TYR: variants seen among roughly 807,000 people sequenced by gnomAD.
The protein encoded by TYR is LB24-AB.
A neutral mutation model predicts 51.5 loss-of-function variants in TYR; 58 were observed. That is an observed-to-expected ratio of 1.13 (90% CI 0.91 to 1.40). The LOEUF (loss-of-function observed/expected upper bound fraction) is 1.40, where lower values mean the gene tolerates loss of function less well. Ranked by LOEUF, TYR falls within the 40% of genes most tolerant of loss-of-function variation. The probability of loss-of-function intolerance (pLI) is 0.00; values close to 1 mark genes in which losing one functional copy is unlikely to be tolerated. For synonymous variants in TYR, 263 were observed against 235.2 expected (o/e 1.12, Z -1.08); for missense variants, 732 against 647.4 (o/e 1.13, Z -1.42).
At chr11:89,196,135 A>T (rs1943516098) in intron 2 of TYR, among the ~76,000 whole-genome samples, 1 of 152,196 alleles carries the variant, frequency 6.6e-6, no homozygotes, top group African/African-American at 2.4e-5. Context: ...CATTTTTTCA[A>T]CAAAGGGCAC....
At chr11:89,215,437 T>C (rs1943819388) in intron 2 of TYR, among the ~76,000 whole-genome samples, 1 of 152,016 alleles carries the variant, frequency 6.6e-6, no homozygotes, top group African/African-American at 2.4e-5. Flanking sequence ...AGCTGATGGG[T>C]GCAGCACACC....
At chr11:89,181,101 G>A (rs1170099624) in intron 1 of TYR, among the ~76,000 whole-genome samples, 2 of 151,972 alleles carry the variant, frequency 1.3e-5, no homozygotes, top group African/African-American at 2.4e-5. Context: ...TGCAACTTCC[G>A]CCTCCCAGGT....
At chr11:89,216,107 A>G (rs1364385369) in intron 2 of TYR, among the ~76,000 whole-genome samples, 1 of 152,202 alleles carries the variant, frequency 6.6e-6, no homozygotes, top group Non-Finnish European at 1.5e-5. Context: ...GACTTCACTT[A>G]CCAATAGAAG....
intron 3 of TYR, among the ~76,000 whole-genome samples, chr11:89,257,979 A>AT (rs1272324148): frequency 2.0e-5 from 3 of 152,092 alleles, no homozygotes; most frequent in South Asian, 2.1e-4. Context: ...GAGAATATGG[A>AT]TTTTTTTAAA....
intron 2 of TYR, among the ~76,000 whole-genome samples, chr11:89,215,722 G>A (rs1943823910): frequency 6.6e-6 from 1 of 152,080 alleles, no homozygotes; most frequent in African/African-American, 2.4e-5. Flanking sequence ...GAGTGCACCT[G>A]TCAATCAAAT....
rs376484352 is a variant in TYR at position 89,290,198 on chromosome 11, T to C, written c.1367-4945T>C. Among the ~76,000 whole-genome samples the C allele has an allele frequency of 4.2e-4, 64 of 152,120 alleles. 1 individual carries two copies. The South Asian group carries it at 0.01, about 25-fold the overall frequency. On this transcript the variant is annotated intron_variant, in intron 4 of 4. Coordinates refer to ENST00000263321, the MANE Select transcript of TYR (RefSeq NM_000372.5). ...GAAGGATGATCAAAAAATTACGATA[T>C]TGGGACAGAACAAAAAGGTGCACTA...
chr11:89,292,590 A>T (rs1392295715), intron 4 of TYR, among the ~76,000 whole-genome samples: 1 of 152,090 alleles, frequency 6.6e-6, no homozygotes, highest in Non-Finnish European at 1.5e-5. Context: ...ATGTAAAACG[A>T]TTGACCACTA....
chr11:89,236,672 A>T (rs1944119312), intron 3 of TYR, among the ~76,000 whole-genome samples: 1 of 152,210 alleles, frequency 6.6e-6, no homozygotes, highest in African/African-American at 2.4e-5. Context: ...CCGATCAGAC[A>T]GGTCTATTGA....
At chr11:89,184,006 G>A (rs966701294) in intron 1 of TYR, among the ~76,000 whole-genome samples, 7 of 152,042 alleles carry the variant, frequency 4.6e-5, no homozygotes, top group African/African-American at 1.7e-4. Flanking sequence ...CTTGCCCAAG[G>A]CCATGTAACT....
chr11:89,221,227 A>C (rs1943908635), intron 2 of TYR, among the ~76,000 whole-genome samples: 1 of 152,194 alleles, frequency 6.6e-6, no homozygotes, highest in South Asian at 2.1e-4. Flanking sequence ...TGATGCTGCT[A>C]ACTCTGGGAC....
chr11:89,245,814 T>C (rs866983182), intron 3 of TYR, among the ~76,000 whole-genome samples: 4 of 151,366 alleles, frequency 2.6e-5, no homozygotes, highest in South Asian at 4.2e-4. Context: ...CCCAGCTACT[T>C]GGGAGGCTGA....
chr11:89,242,062 A>T (rs1056406284), intron 3 of TYR, among the ~76,000 whole-genome samples: 1 of 152,130 alleles, frequency 6.6e-6, no homozygotes, highest in African/African-American at 2.4e-5. Flanking sequence ...TGGCATAGTG[A>T]AGAGCATGGA....
At chr11:89,261,005 T>A (rs1213839356) in intron 3 of TYR, among the ~76,000 whole-genome samples, 1 of 152,094 alleles carries the variant, frequency 6.6e-6, no homozygotes, top group Non-Finnish European at 1.5e-5. Context: ...CGCCTGATGA[T>A]CTGAGATGGA....
chr11:89,177,993 C>G lies in TYR; in HGVS notation c.40C>G (p.Gln14Glu). ...AVLYCLLWSF[Q>E]TSAGHFPRAC... Reference sequence around the variant, plus strand: ...TTTGTACTGCCTGCTGTGGAGTTTCCAGACCTCCGCTGGCCATTTCCCTAG... The same window carrying G: ...TTTGTACTGCCTGCTGTGGAGTTTCGAGACCTCCGCTGGCCATTTCCCTAG... Residue 14 changes from glutamine (Q) to glutamate (E), a missense_variant, in exon 1 of 5, where the codon CAG (glutamine) becomes GAG (glutamate). Gln to Glu is a conservative substitution (Grantham distance 29, BLOSUM62 2). Coordinates refer to ENST00000263321, the MANE Select transcript of TYR (RefSeq NM_000372.5). The G allele has an allele frequency of 6.2e-7, 1 of 1,614,170 alleles. No homozygotes were observed. Among genetic ancestry groups the G allele is most frequent in the Non-Finnish European group, 8.5e-7 (1 of 1,180,016 alleles).
At chr11:89,228,776 G>A (rs1008153789) in intron 3 of TYR, among the ~76,000 whole-genome samples, 1 of 151,974 alleles carries the variant, frequency 6.6e-6, no homozygotes. Flanking sequence ...CATTACATTT[G>A]TAATGTCTTA....
intron 3 of TYR, among the ~76,000 whole-genome samples, chr11:89,228,758 C>T (rs1247029369): frequency 6.6e-6 from 1 of 152,020 alleles, no homozygotes. Context: ...CCCTTATTAG[C>T]CTTCTTCCAT....
intron 3 of TYR, among the ~76,000 whole-genome samples, chr11:89,277,093 G>A (rs1250623193): frequency 2.6e-5 from 4 of 151,574 alleles, no homozygotes; most frequent in Non-Finnish European, 5.9e-5. Context: ...AAAATAGATA[G>A]TACCATCCCT....
At chr11:89,279,769 G>T (rs1162758008) in intron 3 of TYR, among the ~76,000 whole-genome samples, 1 of 151,648 alleles carries the variant, frequency 6.6e-6, no homozygotes, top group African/African-American at 2.4e-5. Context: ...GGCAGAGGTA[G>T]TGTTGGTCAA....
At chr11:89,276,307 T>G (rs1590895556) in intron 3 of TYR, among the ~76,000 whole-genome samples, 1 of 151,936 alleles carries the variant, frequency 6.6e-6, no homozygotes, top group East Asian at 2.0e-4. Flanking sequence ...TCCCACCCAG[T>G]TGACAAATTC....
Sources: allele counts gnomAD v4.1 joint callset (sites outside exome capture counted in the v4.1 genomes callset), GRCh38; gene constraint gnomAD v4.1.1; transcripts MANE v1.5; gene names NCBI Gene and HGNC (gene_info 2026-07-23, HGNC 2026-07-21).